KCNQ1: variants seen among roughly 807,000 people sequenced by gnomAD.
The protein encoded by KCNQ1 is potassium voltage-gated channel subfamily KQT member 1.
Under a neutral mutation model 72.4 loss-of-function variants are expected in KCNQ1, and 49 were observed. That is an observed-to-expected ratio of 0.68 (90% CI 0.54 to 0.86). The LOEUF (loss-of-function observed/expected upper bound fraction) is 0.86. Among genes scored for constraint, KCNQ1 ranks in the 40% least tolerant of loss-of-function variants. The probability of loss-of-function intolerance (pLI) is 0.00; values close to 1 mark genes in which losing one functional copy is unlikely to be tolerated. For synonymous variants in KCNQ1, 450 were observed against 412.6 expected (o/e 1.09, Z -1.10); for missense variants, 790 against 945.1 (o/e 0.84, Z 2.15).
In KCNQ1 at chr11:2,445,353, G is replaced by A. The variant is rs766078716; in HGVS notation, c.255G>A (p.Val85=). 19 of 1,594,404 alleles carry A rather than the reference G, an allele frequency of 1.2e-5. No individual in the cohort carries two copies. The East Asian group carries it at 4.3e-4, about 36-fold the overall frequency. ...VASDLGPRPP[V]SLDPRVSIYS... is the part of the protein sequence containing the mutation. ...CCGACCTTGGCCCGCGGCCGCCGGTGAGCCTAGACCCGCGCGTCTCCATCT... is the reference window on the plus strand; with the variant it reads ...CCGACCTTGGCCCGCGGCCGCCGGTAAGCCTAGACCCGCGCGTCTCCATCT... The change falls in exon 1 of 16, where the codon GTG becomes GTA. Residue 85 remains valine (V), a synonymous_variant. Transcript: ENST00000155840.
Position 2,494,439 on chromosome 11 carries a change from A to G in KCNQ1, c.387-33489A>G, listed in dbSNP as rs1211117735. Among the ~76,000 whole-genome samples, 1 of 152,134 alleles carries G rather than the reference A, an allele frequency of 6.6e-6. No individual in the cohort carries two copies. On this transcript the variant is annotated intron_variant, in intron 1 of 15. Coordinates refer to ENST00000155840, the MANE Select transcript of KCNQ1 (RefSeq NM_000218.3). This position sits in a 1 kb window ranked among gnomAD's most constrained non-coding sequence, Gnocchi z 4.6. ...TGTCTTGTGCTGGTTTTCAAAGTGA[A>G]TGCTTCCAGCTTTTGCCCGTTCAGT... is the stretch of plus-strand genomic sequence containing the variant.
At chr11:2,700,317 G>A (rs1850782815) in intron 11 of KCNQ1, among the ~76,000 whole-genome samples, 1 of 152,220 alleles carries the variant, frequency 6.6e-6, no homozygotes, top group East Asian at 1.9e-4. Flanking sequence ...CAGCCTCAGC[G>A]TTGGCATCGC....
intron 15 of KCNQ1, among the ~76,000 whole-genome samples, chr11:2,796,515 G>T (rs1847135175): frequency 6.6e-6 from 1 of 152,114 alleles, no homozygotes; most frequent in Admixed American, 6.5e-5. Context: ...CCTATCATGG[G>T]GCCTGAGAAG....
intron 7 of KCNQ1, among the ~76,000 whole-genome samples, 176 bp from the exon 8 acceptor site, chr11:2,585,036 C>A (rs1589966780): frequency 6.6e-6 from 1 of 152,210 alleles, no homozygotes; most frequent in East Asian, 1.9e-4. Context: ...GGTATAAGTT[C>A]TGCCCCCCAT....
chr11:2,560,973 C>T lies in KCNQ1; in HGVS notation c.478-9655C>T, dbSNP rs772561069. The stretch of plus-strand genomic sequence containing the variant: ...ATCCCAGCACTTTGGGAGGCCGAGG[C>T]GGGCGGATCACGAGGTCAGGAGATC... On this transcript the variant is annotated intron_variant, in intron 2 of 15. Transcript: ENST00000155840. 1.5e-4 allele frequency among the ~76,000 whole-genome samples: 23 copies of T among 151,886 alleles called. No homozygotes were observed. In the South Asian group the frequency reaches 1.7e-3, roughly 11 times the overall value.
chr11:2,481,096 G>A lies in KCNQ1; in HGVS notation c.386+35612G>A, dbSNP rs11022996. On this transcript the variant is annotated intron_variant, in intron 1 of 15. Coordinates refer to ENST00000155840, the MANE Select transcript of KCNQ1 (RefSeq NM_000218.3). The surrounding 1 kb of genome is among the most constrained non-coding windows in gnomAD (Gnocchi z 4.6). ...GGATTTCACTCATAGCCACGAGAACGGGTGGTGGTCTCTTCTGCAGTGAAC... is the reference window on the plus strand; with the variant it reads ...GGATTTCACTCATAGCCACGAGAACAGGTGGTGGTCTCTTCTGCAGTGAAC... 0.41 allele frequency among the ~76,000 whole-genome samples: 62,775 copies of A among 152,162 alleles called. 15,858 individuals are homozygous for A. The highest frequency in any genetic ancestry group is 0.58 in the Non-Finnish European group (39,447 of 67,974).
At chr11:2,630,362 C>T (rs1418362507) in intron 10 of KCNQ1, 4 of 397,678 alleles carry the variant, frequency 1.0e-5, no homozygotes, top group African/African-American at 2.1e-5. Context: ...AAATATCAGC[C>T]AGTTATTTTC....
Position 2,657,469 on chromosome 11 carries a change from C to G in KCNQ1, c.1394-4492C>G. 2.5e-6 allele frequency: 1 copy of G among 398,514 alleles called. No individual in the cohort carries two copies. The highest frequency in any genetic ancestry group is 3.6e-5 in the East Asian group (1 of 28,044). The allele number at this position is 398,514 out of a possible 1,614,324, so 24.7% of individuals were successfully genotyped here. A position where few individuals can be genotyped will look rare whatever the true frequency, so the allele number is the denominator to read the frequency against. ...TCTTTTGTGCTATTGTATACAGGTT[C>G]TGTTTTCTCTTGTTACCTCACATTT... On this transcript the variant is annotated intron_variant, in intron 10 of 15. Transcript: ENST00000155840. This position sits in a 1 kb window ranked among gnomAD's most constrained non-coding sequence, Gnocchi z 4.8.
At position 2,843,763 on chromosome 11, in the gene KCNQ1, G is replaced by A. The variant is rs111293340; in HGVS notation, c.1795-4004G>A. ...CCCCGTTGCCTTGGGTTTGATCGCC[G>A]GCCGCCCGGGGCTCTCTAACTAGCT... On this transcript the variant is annotated intron_variant, in intron 15 of 15. Coordinates refer to ENST00000155840, the MANE Select transcript of KCNQ1 (RefSeq NM_000218.3). 3.4e-3 allele frequency among the ~76,000 whole-genome samples: 524 copies of A among 152,336 alleles called. 1 individual carries two copies. The highest frequency in any genetic ancestry group is 0.012 in the African/African-American group (496 of 41,572).
chr11:2,660,305 T>A, intron 10 of KCNQ1: 1 of 398,454 alleles, frequency 2.5e-6, no homozygotes, highest in Non-Finnish European at 4.4e-6. Context: ...CACATACATA[T>A]GTATACATAC....
chr11:2,765,819 T>A (rs1590075015), intron 11 of KCNQ1, among the ~76,000 whole-genome samples: 1 of 152,232 alleles, frequency 6.6e-6, no homozygotes, highest in African/African-American at 2.4e-5. Context: ...TTTCCCAACA[T>A]GTTTTTGTAT....
At chr11:2,561,479 C>T (rs1848166312) in intron 2 of KCNQ1, among the ~76,000 whole-genome samples, 1 of 152,258 alleles carries the variant, frequency 6.6e-6, no homozygotes, top group African/African-American at 2.4e-5. Context: ...TTCCCATGCC[C>T]TTTCCACAGG....
chr11:2,800,831 C>T (rs1847249181), intron 15 of KCNQ1, among the ~76,000 whole-genome samples: 1 of 152,272 alleles, frequency 6.6e-6, no homozygotes, highest in South Asian at 2.1e-4. Context: ...TCACCATTCC[C>T]CAAGTTATGG....
rs1326860756 is a variant in KCNQ1, at chr11:2,816,932, G to A, written c.1795-30835G>A. The stretch of plus-strand genomic sequence containing the variant: ...ACCACAGCCCAACCCCTGGGCAGTG[G>A]CTGCCCCTCTGCCTCTGGAGGTCCC... On this transcript the variant is annotated intron_variant, in intron 15 of 15. Transcript: ENST00000155840. The surrounding 1 kb of genome is among the most constrained non-coding windows in gnomAD (Gnocchi z 6.8). Among the ~76,000 whole-genome samples the A allele has an allele frequency of 2.0e-5, 3 of 152,192 alleles. No individual in the cohort carries two copies. Among genetic ancestry groups the A allele is most frequent in the Non-Finnish European group, 4.4e-5 (3 of 67,982 alleles).
Position 2,746,999 on chromosome 11 carries a change from C to G in KCNQ1, c.1515-21845C>G, listed in dbSNP as rs888060571. On this transcript the variant is annotated intron_variant, in intron 11 of 15. Coordinates refer to ENST00000155840, the MANE Select transcript of KCNQ1 (RefSeq NM_000218.3). The surrounding 1 kb of genome is among the most constrained non-coding windows in gnomAD (Gnocchi z 5.9). Reference sequence around the variant, plus strand: ...GCAGCCTGGGTAATGGGCCACCGCCCCAGGCAGGCGTGGGAATCCACACAT... The same window carrying G: ...GCAGCCTGGGTAATGGGCCACCGCCGCAGGCAGGCGTGGGAATCCACACAT... 6.6e-6 allele frequency among the ~76,000 whole-genome samples: 1 copy of G among 152,208 alleles called. No homozygotes were observed. The highest frequency in any genetic ancestry group is 2.4e-5 in the African/African-American group (1 of 41,458).
intron 1 of KCNQ1, among the ~76,000 whole-genome samples, chr11:2,448,179 G>A (rs1040328809): frequency 6.6e-6 from 1 of 152,200 alleles, no homozygotes; most frequent in African/African-American, 2.4e-5. Flanking sequence ...CATCCAGGTG[G>A]CATCTACTCT....
intron 10 of KCNQ1, among the ~76,000 whole-genome samples, chr11:2,607,000 T>C (rs1848892078): frequency 6.7e-6 from 1 of 149,728 alleles, no homozygotes; most frequent in Admixed American, 6.8e-5. Context: ...CCTCCCAGGT[T>C]CACGCCATTC....
chr11:2,781,274 G>A lies in KCNQ1; in HGVS notation c.1794+3237G>A, dbSNP rs955111503. ...CGAGGCTCAGAGAGGCTGAGTGGTC[G>A]CCTGAGGTCACACAGCTAGTTAGGT... is the stretch of plus-strand genomic sequence containing the variant. On this transcript the variant is annotated intron_variant, in intron 15 of 15. Coordinates refer to ENST00000155840, the MANE Select transcript of KCNQ1 (RefSeq NM_000218.3). The surrounding 1 kb of genome is among the most constrained non-coding windows in gnomAD (Gnocchi z 6.6). Among the ~76,000 whole-genome samples the A allele has an allele frequency of 1.3e-4, 20 of 152,296 alleles. No homozygotes were observed. The highest frequency in any genetic ancestry group is 8.5e-4 in the Admixed American group (13 of 15,304).
chr11:2,632,422 C>A (rs559011223), intron 10 of KCNQ1: 4 of 398,214 alleles, frequency 1.0e-5, no homozygotes, highest in Admixed American at 4.4e-5. Context: ...GGCTAAAATG[C>A]GCATCTTGCT....
Sources: gnomAD v4.1 joint callset for allele counts (sites outside exome capture counted in the v4.1 genomes callset) on GRCh38, gnomAD v4.1.1 for gene constraint, Gnocchi (gnomAD v3.1) non-coding constraint, MANE v1.5 for transcripts, NCBI Gene and HGNC (gene_info 2026-07-23, HGNC 2026-07-21) for gene names.